Variants in CCDC102B observed in about 807,000 individuals in gnomAD.
CCDC102B encodes coiled-coil domain containing 102B, also known as coiled-coil domain-containing protein 102B.
A neutral mutation model predicts 57.4 loss-of-function variants in CCDC102B; 75 were observed. The observed-to-expected ratio is 1.31, with a 90% CI of 1.08 to 1.58. The LOEUF (loss-of-function observed/expected upper bound fraction) is 1.58. Among genes scored for constraint, CCDC102B ranks in the 40% most tolerant of loss-of-function variants. The pLI, the probability that CCDC102B is intolerant of heterozygous loss-of-function variation, is 0.00. For synonymous variants in CCDC102B, 206 were observed against 201.9 expected (o/e 1.02, Z -0.17); for missense variants, 636 against 582.6 (o/e 1.09, Z -0.94).
intron 6 of CCDC102B, among the ~76,000 whole-genome samples, chr18:68,977,435 G>C (rs1024461178): frequency 1.3e-5 from 2 of 151,702 alleles, no homozygotes; most frequent in East Asian, 3.9e-4. Flanking sequence ...GCCCTGACAG[G>C]CCCCAGTGTG....
intron 5 of CCDC102B, among the ~76,000 whole-genome samples, chr18:68,894,395 G>C (rs1171341050): frequency 6.6e-6 from 1 of 151,948 alleles, no homozygotes; most frequent in Admixed American, 6.6e-5. Flanking sequence ...TTCATTTAAT[G>C]CTAGAACACG....
At chr18:68,870,184 G>A (rs57495804) in intron 4 of CCDC102B, among the ~76,000 whole-genome samples, 21,461 of 151,936 alleles carry the variant, frequency 0.14, 1,843 homozygotes, top group East Asian at 0.25. Context: ...ATCACACACC[G>A]GAGCCTGTCA....
Position 69,017,966 on chromosome 18 carries a change from A to C in CCDC102B, c.1434+6862A>C, listed in dbSNP as rs187040947. Among the ~76,000 whole-genome samples, 5 of 152,192 alleles carry C rather than the reference A, an allele frequency of 3.3e-5. No homozygotes were observed. The East Asian group carries it at 9.7e-4, about 29-fold the overall frequency. On this transcript the variant is annotated intron_variant, in intron 7 of 7. Coordinates refer to ENST00000360242, the MANE Select transcript of CCDC102B (RefSeq NM_024781.3). ...TATTCCATGTTATCACAAATGGCAG[A>C]ATTTCCTTCTTTTTAAGGCTAAATA...
In CCDC102B at chr18:68,999,286, A is replaced by G. The variant is rs543326511; in HGVS notation, c.1264-11648A>G. On this transcript the variant is annotated intron_variant, in intron 6 of 7. Coordinates refer to ENST00000360242, the MANE Select transcript of CCDC102B (RefSeq NM_024781.3). ...AGGTTGAGTGGGGCATGTAATCAAA[A>G]TAAGTTTCTCTTTTTGTTTTAAGAT... 7.9e-5 allele frequency among the ~76,000 whole-genome samples: 12 copies of G among 152,122 alleles called. No homozygotes were observed. In the South Asian group the frequency reaches 2.5e-3, roughly 32 times the overall value.
intron 2 of CCDC102B, among the ~76,000 whole-genome samples, chr18:68,790,272 G>C (rs934691841): frequency 1.3e-5 from 2 of 151,654 alleles, no homozygotes; most frequent in African/African-American, 4.9e-5. Context: ...AGAGGTTACT[G>C]CTGTCTTTTT....
At chr18:68,784,375 C>T (rs1599454986) in intron 2 of CCDC102B, among the ~76,000 whole-genome samples, 2 of 152,030 alleles carry the variant, frequency 1.3e-5, no homozygotes, top group East Asian at 3.9e-4. Context: ...ATCATGAGAA[C>T]AGCACCAAGG....
chr18:68,731,758 A>G (rs183794433), intron 2 of CCDC102B, among the ~76,000 whole-genome samples: 1 of 149,764 alleles, frequency 6.7e-6, no homozygotes, highest in Admixed American at 6.7e-5. Flanking sequence ...ATTCAGTTAT[A>G]TATCAGTTGT....
At chr18:68,833,274 T>G (rs2037221788) in intron 1 of CCDC102B, among the ~76,000 whole-genome samples, 2 of 152,078 alleles carry the variant, frequency 1.3e-5, no homozygotes, top group Non-Finnish European at 2.9e-5. Flanking sequence ...GGGATAATAA[T>G]AGTACTGACT....
chr18:68,761,773 G>A (rs939611304), intron 2 of CCDC102B, among the ~76,000 whole-genome samples: 2 of 152,024 alleles, frequency 1.3e-5, no homozygotes, highest in African/African-American at 4.8e-5. Context: ...ATGGTTAGTT[G>A]TGTATTTAAT....
At chr18:68,767,135 G>C (rs1465579023) in intron 2 of CCDC102B, among the ~76,000 whole-genome samples, 1 of 152,162 alleles carries the variant, frequency 6.6e-6, no homozygotes, top group Non-Finnish European at 1.5e-5. Flanking sequence ...CTGTTATGTA[G>C]AACTTGGCAT....
intron 7 of CCDC102B, among the ~76,000 whole-genome samples, chr18:69,027,642 G>A (rs1056706830): frequency 2.1e-5 from 3 of 146,306 alleles, no homozygotes; most frequent in African/African-American, 7.6e-5. Context: ...AAACTTTATT[G>A]ATACATTGAT....
At chr18:68,958,050 G>A (rs765566185) in intron 6 of CCDC102B, among the ~76,000 whole-genome samples, 3 of 152,102 alleles carry the variant, frequency 2.0e-5, no homozygotes, top group Non-Finnish European at 4.4e-5. Context: ...AAGGTGAAAG[G>A]CATGTCTCAC....
intron 2 of CCDC102B, among the ~76,000 whole-genome samples, chr18:68,773,208 T>A (rs1237987811): frequency 6.6e-6 from 1 of 151,938 alleles, no homozygotes; most frequent in Non-Finnish European, 1.5e-5. Flanking sequence ...TCGGATTGAG[T>A]TCCTTCTTTT....
rs71175201 is a variant in CCDC102B, at chr18:68,853,672, T to TAAAAAAAAAAAAAAAAAAA, written c.936+7263_936+7281dup. On this transcript the variant is annotated intron_variant, in intron 4 of 7. Coordinates refer to ENST00000360242, the MANE Select transcript of CCDC102B (RefSeq NM_024781.3). ...CGAATTTTTCTTTATCCCCAAATTG[T>TAAAAAAAAAAAAAAAAAAA]AAAAAAAAAAAAAAAAAAAAAAAAA... 2.5e-3 allele frequency among the ~76,000 whole-genome samples: 233 copies of TAAAAAAAAAAAAAAAAAAA among 94,586 alleles called. 25 individuals carry two copies. Among genetic ancestry groups the TAAAAAAAAAAAAAAAAAAA allele is most frequent in the Middle Eastern group, 0.013 (2 of 158 alleles). The allele number at this position is 94,586 out of a possible 152,430, so 62.1% of individuals were successfully genotyped here. A position where few individuals can be genotyped will look rare whatever the true frequency, so the allele number is the denominator to read the frequency against.
At chr18:68,949,210 C>T (rs1010706662) in intron 6 of CCDC102B, among the ~76,000 whole-genome samples, 2 of 152,140 alleles carry the variant, frequency 1.3e-5, no homozygotes, top group African/African-American at 4.8e-5. Flanking sequence ...TTTGGTAACA[C>T]CTTCACAGAC....
chr18:68,986,957 T>C (rs550463524), intron 6 of CCDC102B, among the ~76,000 whole-genome samples: 2 of 152,280 alleles, frequency 1.3e-5, no homozygotes, highest in South Asian at 2.1e-4. Flanking sequence ...CCCATGCTCA[T>C]GGATTGGAAG....
At chr18:69,056,845 C>G (rs1300659333), downstream of CCDC102B, among the ~76,000 whole-genome samples, 1 of 151,976 alleles carries the variant, frequency 6.6e-6, no homozygotes, top group African/African-American at 2.4e-5. Flanking sequence ...TGTTACGCTA[C>G]CATTACCCAG....
chr18:68,836,127 G>A (rs1399516307), intron 1 of CCDC102B, among the ~76,000 whole-genome samples: 5 of 152,144 alleles, frequency 3.3e-5, no homozygotes, highest in Admixed American at 6.6e-5. Context: ...TTTGTATTTC[G>A]TAGTGGACAA....
chr18:68,787,939 C>A (rs2035273195), intron 2 of CCDC102B, among the ~76,000 whole-genome samples: 1 of 150,946 alleles, frequency 6.6e-6, no homozygotes, highest in Admixed American at 6.6e-5. Context: ...AATTTTGGAT[C>A]TTTCCTGCTT....
Sources: gnomAD v4.1 joint callset for allele counts (sites outside exome capture counted in the v4.1 genomes callset) on GRCh38, gnomAD v4.1.1 for gene constraint, MANE v1.5 for transcripts, NCBI Gene and HGNC (gene_info 2026-07-23, HGNC 2026-07-21) for gene names.